Variants in TUSC3 observed in about 807,000 individuals in gnomAD.
TUSC3 encodes the protein dolichyl-diphosphooligosaccharide--protein glycosyltransferase subunit TUSC3.
TUSC3 carries 45 observed loss-of-function variants against 44.8 expected under a neutral mutation model. The ratio of observed to expected loss-of-function variants is 1.00; its 90% CI spans 0.79 to 1.29. The LOEUF (loss-of-function observed/expected upper bound fraction) is 1.29. TUSC3 is among the 50% of genes most tolerant of loss of function. TUSC3 has a pLI of 0.00. For synonymous variants in TUSC3, 212 were observed against 152.9 expected, an observed-to-expected ratio of 1.39 and a Z score of -2.85; for missense variants, 519 against 437.9, an observed-to-expected ratio of 1.19 and a Z score of -1.65.
intron 1 of TUSC3, among the ~76,000 whole-genome samples, chr8:15,603,819 G>T: frequency 6.6e-6 from 1 of 151,272 alleles, no homozygotes; most frequent in East Asian, 1.9e-4. Flanking sequence ...TAACTGAAAT[G>T]TTAAATTTTA....
intron 5 of TUSC3, among the ~76,000 whole-genome samples, chr8:15,670,431 T>C (rs533883308): frequency 6.6e-6 from 1 of 152,020 alleles, no homozygotes; most frequent in African/African-American, 2.4e-5. Flanking sequence ...AAAGTGGCCT[T>C]GCAGTGCAGT....
At chr8:15,582,832 A>G (rs1803429782) in intron 1 of TUSC3, among the ~76,000 whole-genome samples, 1 of 152,238 alleles carries the variant, frequency 6.6e-6, no homozygotes, top group African/African-American at 2.4e-5. Context: ...TACTAGAGCC[A>G]GTGACCTTTC....
At chr8:15,804,106 A>G in the TUSC3 span, among the ~76,000 whole-genome samples, 1 of 152,100 alleles carries the variant, frequency 6.6e-6, no homozygotes, top group African/African-American at 2.4e-5. Context: ...CTGGTTCTAG[A>G]TCCTTCAGGA....
chr8:15,449,240 G>A (rs563038326), intron 1 of TUSC3, among the ~76,000 whole-genome samples: 2 of 152,236 alleles, frequency 1.3e-5, no homozygotes, highest in Admixed American at 6.5e-5. Flanking sequence ...AGCTATAGGA[G>A]GAATCATGAA....
At chr8:15,584,067 C>G (rs1231572161) in intron 1 of TUSC3, among the ~76,000 whole-genome samples, 1 of 152,124 alleles carries the variant, frequency 6.6e-6, no homozygotes, top group Non-Finnish European at 1.5e-5. Context: ...TCAAACACAG[C>G]AGCTTAACTG....
At chr8:15,849,464 G>C in the TUSC3 span, among the ~76,000 whole-genome samples, 41 of 152,264 alleles carry the variant, frequency 2.7e-4, 1 homozygote, top group Admixed American at 5.2e-4. Flanking sequence ...GAAACTGAAA[G>C]TTAAGCTCTG....
chr8:15,751,889 A>AGGTAAATCTGATATAACCATT (rs1381897354), intron 9 of TUSC3, among the ~76,000 whole-genome samples: 1 of 152,182 alleles, frequency 6.6e-6, no homozygotes, highest in Admixed American at 6.5e-5. Context: ...ATAGTTACCC[A>AGGTAAATCTGATATAACCATT]GGTAAATCTG....
At chr8:15,725,062 T>C (rs773128352) in intron 6 of TUSC3, among the ~76,000 whole-genome samples, 1 of 152,234 alleles carries the variant, frequency 6.6e-6, no homozygotes, top group Admixed American at 6.5e-5. Context: ...CTTAATGTTA[T>C]AAATGGTTCT....
At chr8:15,747,035 T>C (rs1811447118) in intron 8 of TUSC3, among the ~76,000 whole-genome samples, 1 of 152,112 alleles carries the variant, frequency 6.6e-6, no homozygotes, top group African/African-American at 2.4e-5. Flanking sequence ...AGGCTACACT[T>C]GGATGCTATT....
At chr8:15,589,365 A>C (rs1364163878) in intron 1 of TUSC3, among the ~76,000 whole-genome samples, 1 of 152,160 alleles carries the variant, frequency 6.6e-6, no homozygotes, top group African/African-American at 2.4e-5. Flanking sequence ...TACGCATGTT[A>C]AAGTTGGAGA....
chr8:15,533,847 C>T (rs1370790733), intron 2 of TUSC3, among the ~76,000 whole-genome samples: 4 of 152,048 alleles, frequency 2.6e-5, no homozygotes, highest in Non-Finnish European at 5.9e-5. Context: ...GACATCTCTC[C>T]AGTCAGTGGG....
At chr8:15,605,217 G>A (rs1804470218) in intron 1 of TUSC3, among the ~76,000 whole-genome samples, 1 of 151,812 alleles carries the variant, frequency 6.6e-6, no homozygotes, top group African/African-American at 2.4e-5. Context: ...CAGCAAAGAA[G>A]CACAGAGTAA....
chr8:15,572,937 A>C (rs764765088), intron 1 of TUSC3, among the ~76,000 whole-genome samples: 3 of 151,966 alleles, frequency 2.0e-5, no homozygotes, highest in Non-Finnish European at 4.4e-5. Flanking sequence ...TTCCATAACA[A>C]ATAATAATAA....
intron 10 of TUSC3, among the ~76,000 whole-genome samples, chr8:15,761,620 A>G (rs3810776): frequency 0.23 from 34,881 of 152,180 alleles, 4,670 homozygotes; most frequent in Admixed American, 0.42. Flanking sequence ...GACTACTACT[A>G]TGGATAACTA....
At chr8:15,423,827 A>G (rs1799768097) in intron 1 of TUSC3, among the ~76,000 whole-genome samples, 1 of 152,038 alleles carries the variant, frequency 6.6e-6, no homozygotes, top group Non-Finnish European at 1.5e-5. Context: ...GAGCCCTCAT[A>G]ATACAGGAAG....
At chr8:15,523,708 G>GTATA (rs71211051) in intron 2 of TUSC3, among the ~76,000 whole-genome samples, 4 of 112,484 alleles carry the variant, frequency 3.6e-5, no homozygotes, top group Non-Finnish European at 5.2e-5. Context: ...GTGTGTGTGT[G>GTATA]TATATATATA....
chr8:15,760,262 T>G (rs1812116807), intron 10 of TUSC3, among the ~76,000 whole-genome samples: 1 of 152,158 alleles, frequency 6.6e-6, no homozygotes, highest in Non-Finnish European at 1.5e-5. Flanking sequence ...GGTCATCAAA[T>G]GTCATCAGTT....
chr8:15,643,410 G>GT (rs10662497), intron 2 of TUSC3, among the ~76,000 whole-genome samples: 35,880 of 144,586 alleles, frequency 0.25, 5,441 homozygotes, highest in Non-Finnish European at 0.36. Context: ...ACTGTTAGTT[G>GT]TTTTTTTTTT....
the TUSC3 span, among the ~76,000 whole-genome samples, chr8:15,848,965 CTT>C: frequency 1.3e-5 from 2 of 152,104 alleles, no homozygotes; most frequent in African/African-American, 4.8e-5. Context: ...CAATGGAAAA[CTT>C]TTTACAGGCA....
Sources: allele counts gnomAD v4.1 joint callset (sites outside exome capture counted in the v4.1 genomes callset), GRCh38; gene constraint gnomAD v4.1.1; transcripts MANE v1.5; gene names NCBI Gene and HGNC (gene_info 2026-07-23, HGNC 2026-07-21).